Variants in ANKRD30BL observed in about 807,000 individuals in gnomAD.
ANKRD30BL encodes the protein putative ankyrin repeat domain-containing protein 30B-like.
Under a neutral mutation model 18.4 loss-of-function variants are expected in ANKRD30BL, and 20 were observed. The observed-to-expected ratio is 1.09, with a 90% CI of 0.77 to 1.58. ANKRD30BL has a LOEUF of 1.58. ANKRD30BL is among the 40% of genes most tolerant of loss of function. The pLI is 0.00. For synonymous variants in ANKRD30BL, 72 were observed against 100.9 expected (o/e 0.71, Z 1.72); for missense variants, 224 against 268.6 (o/e 0.83, Z 1.16).
intron 1 of ANKRD30BL, among the ~76,000 whole-genome samples, chr2:132,188,029 G>A (rs569822517): frequency 2.6e-5 from 4 of 152,300 alleles, no homozygotes; most frequent in East Asian, 1.9e-4. Context: ...TTACAGTCGT[G>A]AGCCACTGTG....
At chr2:132,179,222 A>G (rs1443737323) in intron 1 of ANKRD30BL, among the ~76,000 whole-genome samples, 2 of 152,126 alleles carry the variant, frequency 1.3e-5, no homozygotes, top group Non-Finnish European at 2.9e-5. Flanking sequence ...CTTACAGAAC[A>G]TAATACCTGA....
At chr2:132,233,205 C>A (rs1236368151) in intron 1 of ANKRD30BL, among the ~76,000 whole-genome samples, 26 of 152,104 alleles carry the variant, frequency 1.7e-4, no homozygotes, top group East Asian at 1.9e-4. Context: ...TGGAAAGGAA[C>A]AACCAGTACC....
chr2:132,151,008 T>C lies in ANKRD30BL; in HGVS notation c.615-32A>G, dbSNP rs754264612. On this transcript the variant is annotated intron_variant, in intron 4 of 5. Coordinates refer to ENST00000409867, the MANE Select transcript of ANKRD30BL (RefSeq NM_001358416.1). ...ATAAAAATGAAATAAATAAAATCAC[T>C]ATTTTAACATTGATATAAAAAATAT... 1.6e-5 allele frequency: 9 copies of C among 563,610 alleles called. No homozygotes were observed. The South Asian group carries it at 1.8e-4, about 11-fold the overall frequency. 34.9% of individuals were successfully genotyped at this position (563,610 alleles called of 1,614,324 possible). A position where few individuals can be genotyped will look rare whatever the true frequency, so the allele number is the denominator to read the frequency against.
rs182361300 is a variant in ANKRD30BL, at chr2:132,161,921, C to G, written c.-216G>C. On this transcript the variant is annotated 5_prime_UTR_variant, in exon 1 of 6. Coordinates refer to ENST00000409867, the MANE Select transcript of ANKRD30BL (RefSeq NM_001358416.1). The stretch of plus-strand genomic sequence containing the variant: ...TGAGCAGAACCGTTAGGCACCTGAG[C>G]AGAACCTTTAGGCAGCTGAGCAGAA... 5.0e-5 allele frequency: 28 copies of G among 557,808 alleles called. No homozygotes were observed. The highest frequency in any genetic ancestry group is 4.7e-4 in the African/African-American group (25 of 52,980). 34.6% of individuals were successfully genotyped at this position (557,808 alleles called of 1,614,324 possible).
Position 132,189,106 on chromosome 2 carries a change from C to A in ANKRD30BL, n.442-31960G>T, listed in dbSNP as rs200824312. 1.9e-4 allele frequency among the ~76,000 whole-genome samples: 29 copies of A among 152,036 alleles called. No homozygotes were observed. The Middle Eastern group carries it at 0.014, about 71-fold the overall frequency. On this transcript the variant is annotated intron_variant and non_coding_transcript_variant, in intron 1 of 4. Transcript: ENST00000470729. Reference sequence around the variant, plus strand: ...GAGTTACAGCACATCCCTTTGTAGACATCCATACAATAGAAAGCCCCAGCA... The same window carrying A: ...GAGTTACAGCACATCCCTTTGTAGAAATCCATACAATAGAAAGCCCCAGCA...
rs185579063 is a variant in ANKRD30BL, at chr2:132,188,770, T to C, written n.442-31624A>G. ...CACCTTGCTTATTATAATAAATAAC[T>C]AAAGTAATCCAATACCTGTAACCTA... On this transcript the variant is annotated intron_variant and non_coding_transcript_variant, in intron 1 of 4. Coordinates refer to the ANKRD30BL transcript ENST00000470729. 9.0e-3 allele frequency among the ~76,000 whole-genome samples: 1,366 copies of C among 152,204 alleles called. 24 individuals carry two copies. Among genetic ancestry groups the C allele is most frequent in the African/African-American group, 0.03 (1,245 of 41,512 alleles).
chr2:132,192,918 A>T (rs1678890218), intron 1 of ANKRD30BL, among the ~76,000 whole-genome samples: 1 of 152,194 alleles, frequency 6.6e-6, no homozygotes, highest in African/African-American at 2.4e-5. Flanking sequence ...ATATAAACAG[A>T]TTTCTTTGCC....
chr2:132,232,684 G>A (rs1394288181), intron 1 of ANKRD30BL, among the ~76,000 whole-genome samples: 8 of 152,144 alleles, frequency 5.3e-5, no homozygotes, highest in Non-Finnish European at 1.0e-4. Context: ...ATGGGACTAT[G>A]TGAAAAGACC....
intron 1 of ANKRD30BL, among the ~76,000 whole-genome samples, chr2:132,230,869 A>G (rs1229427344): frequency 6.6e-6 from 1 of 152,028 alleles, no homozygotes; most frequent in East Asian, 1.9e-4. Flanking sequence ...TGATGTGTGC[A>G]TTCACCTCAG....
chr2:132,256,284 G>A (rs555650924), intron 1 of ANKRD30BL, among the ~76,000 whole-genome samples: 1,793 of 150,158 alleles, frequency 0.012, 9 homozygotes, highest in Non-Finnish European at 0.02. Flanking sequence ...TGGGGCGTGG[G>A]GGAGGGAGGG....
chr2:132,201,294 T>C (rs1030165756), intron 1 of ANKRD30BL, among the ~76,000 whole-genome samples: 2 of 152,040 alleles, frequency 1.3e-5, no homozygotes, highest in African/African-American at 2.4e-5. Flanking sequence ...CATTGACAAA[T>C]GGGATCTAAT....
intron 1 of ANKRD30BL, among the ~76,000 whole-genome samples, chr2:132,228,660 T>C (rs1679912418): frequency 6.6e-6 from 1 of 150,404 alleles, no homozygotes; most frequent in Admixed American, 6.6e-5. Flanking sequence ...TGCTTACATC[T>C]CACAGAGCTG....
chr2:132,175,947 G>T (rs1421429673), intron 1 of ANKRD30BL, among the ~76,000 whole-genome samples: 1 of 152,166 alleles, frequency 6.6e-6, no homozygotes, highest in Non-Finnish European at 1.5e-5. Flanking sequence ...TCAGGGCAAA[G>T]CAATTGTTCA....
intron 1 of ANKRD30BL, among the ~76,000 whole-genome samples, chr2:132,237,974 A>G (rs1244359647): frequency 6.6e-6 from 1 of 152,084 alleles, no homozygotes; most frequent in Non-Finnish European, 1.5e-5. Flanking sequence ...CATAAAAACC[A>G]GACAGAAGCA....
chr2:132,207,000 T>C (rs1222763337), intron 1 of ANKRD30BL, among the ~76,000 whole-genome samples: 1 of 152,162 alleles, frequency 6.6e-6, no homozygotes, highest in African/African-American at 2.4e-5. Flanking sequence ...CTTATGAGGA[T>C]ATCAACCATA....
upstream of ANKRD30BL, among the ~76,000 whole-genome samples, chr2:132,165,136 C>G (rs1688162480): frequency 6.6e-6 from 1 of 152,132 alleles, no homozygotes; most frequent in African/African-American, 2.4e-5. Flanking sequence ...GTTGTGGTAT[C>G]ATACAGAATA....
chr2:132,236,435 AC>A (rs1257066220), intron 1 of ANKRD30BL, among the ~76,000 whole-genome samples: 15 of 152,146 alleles, frequency 9.9e-5, no homozygotes, highest in African/African-American at 3.4e-4. Flanking sequence ...CAAGAAAAAA[AC>A]AAACAACCCC....
At chr2:132,188,695 G>A (rs1304541182) in intron 1 of ANKRD30BL, among the ~76,000 whole-genome samples, 4 of 151,218 alleles carry the variant, frequency 2.6e-5, no homozygotes, top group African/African-American at 9.9e-5. Flanking sequence ...GGGTGATAGA[G>A]CGAGCCTCTG....
intron 1 of ANKRD30BL, among the ~76,000 whole-genome samples, chr2:132,197,696 T>C (rs992809973): frequency 1.1e-4 from 17 of 151,878 alleles, no homozygotes; most frequent in Non-Finnish European, 2.2e-4. Flanking sequence ...TAGTTGTTTC[T>C]TCTTATAGTA....
Sources: gnomAD v4.1 joint callset for allele counts (sites outside exome capture counted in the v4.1 genomes callset) on GRCh38, gnomAD v4.1.1 for gene constraint, MANE v1.5 for transcripts, NCBI Gene and HGNC (gene_info 2026-07-23, HGNC 2026-07-21) for gene names.